ERCC6L: variants seen among roughly 807,000 people sequenced by gnomAD.
ERCC6L encodes the protein DNA excision repair protein ERCC-6-like.
In ERCC6L, 7 loss-of-function variants were observed where a neutral mutation model predicts 20.1. That is an observed-to-expected ratio of 0.35 (90% CI 0.20 to 0.65). The LOEUF (loss-of-function observed/expected upper bound fraction) is 0.65. ERCC6L is among the 30% of genes least tolerant of loss of function. The pLI is 0.69. For synonymous variants in ERCC6L, 278 were observed against 331.3 expected, an observed-to-expected ratio of 0.84 and a Z score of 1.75; for missense variants, 592 against 892.4, an observed-to-expected ratio of 0.66 and a Z score of 4.29.
At chrX:72,215,812 C>T (rs2147590643) in intron 1 of ERCC6L, among the ~76,000 whole-genome samples, 1 of 111,033 alleles carries the variant, frequency 9.0e-6, no homozygotes, top group South Asian at 3.9e-4. Context: ...CTGATAACTA[C>T]ATCCCTCCTG....
chrX:72,206,079 C>A lies in ERCC6L; in HGVS notation c.2688G>T (p.Trp896Cys), dbSNP rs372744705. Residue 896 changes from tryptophan (W) to cysteine (C), a missense_variant, in exon 2 of 2, where the codon TGG becomes TGT. Coordinates refer to ENST00000334463, the MANE Select transcript of ERCC6L (RefSeq NM_017669.4). ...DDEILRHCNP[W>C]PIISITNESQ... ...TTTCATTTGTTATGGAAATAATGGG[C>A]CAAGGATTGCAATGACGTAAAATCT... The A allele has an allele frequency of 8.3e-6, 10 of 1,208,754 alleles. No individual in the cohort carries two copies. The African/African-American group carries it at 1.7e-4, about 21-fold the overall frequency.
chrX:72,206,480 TATG>T lies in ERCC6L; in HGVS notation c.2284_2286del (p.His762del). 1 of 1,211,111 alleles carries T rather than the reference TATG, an allele frequency of 8.3e-7. No individual in the cohort carries two copies. Among genetic ancestry groups the T allele is most frequent in the Admixed American group, 2.2e-5 (1 of 45,928 alleles). On this transcript the variant is annotated inframe_deletion, in exon 2 of 2. Transcript: ENST00000334463. ...TTGGAACTGATATCTTCTTCCTGAGTATGATGAGTACTTAGAAGAGGTGAAGGC... is the reference window on the plus strand; with the variant it reads ...TTGGAACTGATATCTTCTTCCTGAGTATGAGTACTTAGAAGAGGTGAAGGC...
In ERCC6L at chrX:72,238,891, A is replaced by T. The variant is rs1467210521; in HGVS notation, c.21T>A (p.Phe7Leu). ...CTGGGCTCAAGGCCTCGGCTTCCGG[A>T]AACCTTCGGGATGCCTCCATGACCC... MEASRR[F>L]PEAEALSPEQ... The change falls in exon 1 of 2, where the codon TTT becomes TTA. Residue 7 changes from phenylalanine (F) to leucine (L), a missense_variant. Phe to Leu is a conservative substitution (Grantham distance 22). Around this residue, in one of 3 missense-constraint regions of ERCC6L, gnomAD observed 44 missense variants for 49.8 expected, o/e 0.88. Coordinates refer to ENST00000334463, the MANE Select transcript of ERCC6L (RefSeq NM_017669.4). The T allele has an allele frequency of 4.2e-6, 5 of 1,196,412 alleles. No homozygotes were observed. Among genetic ancestry groups the T allele is most frequent in the Non-Finnish European group, 5.6e-6 (5 of 887,607 alleles).
Position 72,207,669 on chromosome X carries a change from A to G in ERCC6L, c.1098T>C (p.Asp366=), listed in dbSNP as rs2042828281. The G allele has an allele frequency of 8.3e-7, 1 of 1,210,199 alleles. No individual in the cohort carries two copies. Among genetic ancestry groups the G allele is most frequent in the East Asian group, 3.0e-5 (1 of 33,837 alleles). Residue 366 remains aspartate (D), a synonymous_variant, in exon 2 of 2, where the codon GAT becomes GAC. Coordinates refer to ENST00000334463, the MANE Select transcript of ERCC6L (RefSeq NM_017669.4). ...GCACAAGTCGTATCCAAATAATTAA[A>G]TCATTTTTCCTGGAAAGGGAAGGCA... is the stretch of plus-strand genomic sequence containing the variant. ...CEMPSLSRKN[D]LIIWIRLVPL... is the part of the protein sequence containing the mutation.
chrX:72,222,485 C>G (rs1452091725), intron 1 of ERCC6L, among the ~76,000 whole-genome samples: 2 of 110,597 alleles, frequency 1.8e-5, no homozygotes, highest in Non-Finnish European at 3.8e-5. Context: ...CATCAGGCGA[C>G]AGAACCACAT....
At chrX:72,214,041 C>T (rs2042985456) in intron 1 of ERCC6L, among the ~76,000 whole-genome samples, 1 of 112,216 alleles carries the variant, frequency 8.9e-6, no homozygotes, top group African/African-American at 3.2e-5. Flanking sequence ...TTTTGATTCT[C>T]CATCAAAATC....
intron 1 of ERCC6L, among the ~76,000 whole-genome samples, chrX:72,235,437 C>G (rs1366419677): frequency 2.0e-5 from 2 of 101,062 alleles, no homozygotes; most frequent in African/African-American, 7.5e-5. Flanking sequence ...CTTTTGTAGC[C>G]TAGGCTGGAG....
chrX:72,212,278 T>A (rs6418463), intron 1 of ERCC6L, among the ~76,000 whole-genome samples: 43,249 of 107,922 alleles, frequency 0.4, 7,554 homozygotes, highest in East Asian at 0.98. Context: ...TCAAAAAAAA[T>A]AATAATAATA....
intron 1 of ERCC6L, among the ~76,000 whole-genome samples, chrX:72,229,155 C>A (rs1189852339): frequency 9.0e-6 from 1 of 111,707 alleles, no homozygotes; most frequent in Non-Finnish European, 1.9e-5. Context: ...CCTTTTACAA[C>A]AAGCTTCACT....
At chrX:72,226,534 G>C (rs745621940) in intron 1 of ERCC6L, among the ~76,000 whole-genome samples, 64 of 112,059 alleles carry the variant, frequency 5.7e-4, no homozygotes, top group African/African-American at 2.0e-3. Flanking sequence ...GCTATGTCAC[G>C]GCTAAGGGAT....
intron 1 of ERCC6L, among the ~76,000 whole-genome samples, chrX:72,225,584 A>G (rs1326076312): frequency 8.9e-6 from 1 of 112,298 alleles, no homozygotes; most frequent in Non-Finnish European, 1.9e-5. Flanking sequence ...TTCCTAAAAC[A>G]AAAAGGGACT....
At chrX:72,212,892 A>G (rs1231975325) in intron 1 of ERCC6L, among the ~76,000 whole-genome samples, 1 of 111,573 alleles carries the variant, frequency 9.0e-6, no homozygotes, top group Non-Finnish European at 1.9e-5. Flanking sequence ...GCATTGAGCT[A>G]TGATCGTGTC....
intron 1 of ERCC6L, among the ~76,000 whole-genome samples, chrX:72,223,668 C>T (rs985415833): frequency 5.4e-5 from 6 of 111,379 alleles, no homozygotes; most frequent in Admixed American, 9.5e-5. Flanking sequence ...GAAGGCCTTC[C>T]GTGTCTTTAA....
At chrX:72,236,690 T>A (rs1005470184) in intron 1 of ERCC6L, among the ~76,000 whole-genome samples, 7 of 111,407 alleles carry the variant, frequency 6.3e-5, no homozygotes, top group Admixed American at 5.7e-4. Context: ...GGTCAGTAGG[T>A]TCTTGGCAAC....
intron 1 of ERCC6L, among the ~76,000 whole-genome samples, chrX:72,214,210 G>A (rs763573269): frequency 1.5e-3 from 168 of 111,485 alleles, no homozygotes; most frequent in African/African-American, 5.2e-3. Context: ...AATTAAGGTG[G>A]GGATCATTTT....
chrX:72,235,109 A>G (rs1375942205), intron 1 of ERCC6L, among the ~76,000 whole-genome samples: 1 of 112,254 alleles, frequency 8.9e-6, no homozygotes, highest in Admixed American at 9.5e-5. Context: ...TGTTAAAACA[A>G]CACAAAGTAT....
At chrX:72,221,508 T>C (rs779413747) in intron 1 of ERCC6L, among the ~76,000 whole-genome samples, 1 of 111,078 alleles carries the variant, frequency 9.0e-6, no homozygotes, top group East Asian at 2.9e-4. Context: ...CCAGTCCACA[T>C]GGGTGCCAAA....
chrX:72,231,829 T>G (rs138500294), intron 1 of ERCC6L, among the ~76,000 whole-genome samples: 3,123 of 112,169 alleles, frequency 0.028, 73 homozygotes, highest in African/African-American at 0.083. Flanking sequence ...GTGATGGATA[T>G]GTTAATTAGC....
intron 1 of ERCC6L, chrX:72,237,728 C>T (rs2043025666): frequency 9.0e-6 from 1 of 111,202 alleles, no homozygotes; most frequent in Non-Finnish European, 1.9e-5. Flanking sequence ...GAGATCGCGC[C>T]ACTGCACTCC....
Sources: gnomAD v4.1 joint callset for allele counts (sites outside exome capture counted in the v4.1 genomes callset) on GRCh38, gnomAD v4.1.1 for gene constraint, gnomAD v4.1.1 regional missense constraint, MANE v1.5 for transcripts, NCBI Gene and HGNC (gene_info 2026-07-23, HGNC 2026-07-21) for gene names.